SLC22A4: variants seen among roughly 807,000 people sequenced by gnomAD.
SLC22A4 encodes solute carrier family 22 member 4.
A neutral mutation model predicts 56.6 loss-of-function variants in SLC22A4; 39 were observed. The ratio of observed to expected loss-of-function variants is 0.69; its 90% confidence interval spans 0.53 to 0.90. The LOEUF (loss-of-function observed/expected upper bound fraction) is 0.90. SLC22A4 is among the 40% of genes least tolerant of loss of function. The pLI is 0.00. For missense variants in SLC22A4, 594 were observed against 696.5 expected (o/e 0.85, Z 1.66); for synonymous variants, 241 against 281.4 (o/e 0.86, Z 1.44).
intron 4 of SLC22A4, 25 bp downstream of exon 4, chr5:132,322,380 G>A (rs1168780560): frequency 6.8e-6 from 11 of 1,610,802 alleles, no homozygotes; most frequent in African/African-American, 6.7e-5. Flanking sequence ...TCCCCAGACA[G>A]GCCCTCTGCT....
chr5:132,336,997 G>A (rs1751042709), intron 8 of SLC22A4, among the ~76,000 whole-genome samples: 2 of 152,128 alleles, frequency 1.3e-5, no homozygotes. Context: ...AGGCTCCAAT[G>A]AATGGAGGAC....
intron 8 of SLC22A4, among the ~76,000 whole-genome samples, chr5:132,338,222 A>C (rs1454526291): frequency 6.6e-6 from 1 of 152,206 alleles, no homozygotes; most frequent in Non-Finnish European, 1.5e-5. Flanking sequence ...GGCAGGTTCC[A>C]TGATGCCCCC....
intron 1 of SLC22A4, among the ~76,000 whole-genome samples, chr5:132,310,134 G>T (rs947170813): frequency 6.6e-6 from 1 of 152,152 alleles, no homozygotes; most frequent in Non-Finnish European, 1.5e-5. Context: ...AGCTCATTTT[G>T]TCCTGCCTTA....
At chr5:132,317,906 A>AT (rs1750408664) in intron 3 of SLC22A4, among the ~76,000 whole-genome samples, 1 of 152,248 alleles carries the variant, frequency 6.6e-6, no homozygotes, top group Non-Finnish European at 1.5e-5. Flanking sequence ...TTGCTGGCAT[A>AT]CCTTATTTGC....
chr5:132,295,728 T>G (rs1749764695), intron 1 of SLC22A4: 1 of 177,330 alleles, frequency 5.6e-6, no homozygotes, highest in Non-Finnish European at 1.2e-5. Flanking sequence ...CCGCTTTTGC[T>G]GCTTCACATC....
intron 8 of SLC22A4, among the ~76,000 whole-genome samples, chr5:132,336,800 T>G (rs1210659221): frequency 6.6e-6 from 1 of 151,996 alleles, no homozygotes; most frequent in African/African-American, 2.4e-5. Context: ...TATGTGTGTG[T>G]GTACATAATG....
rs1158741899 is a variant in SLC22A4, at chr5:132,333,041, C to A, written c.1046+1191C>A. ...TACTAAATGGGAAAATCACTAAGAT[C>A]CCTTGAGCATACTTATTTGTTGTGT... On this transcript the variant is annotated intron_variant, in intron 6 of 9. Transcript: ENST00000200652. Among the ~76,000 whole-genome samples the A allele has an allele frequency of 7.9e-5, 12 of 152,218 alleles. No individual in the cohort carries two copies. The South Asian group carries it at 1.7e-3, about 21-fold the overall frequency.
intron 4 of SLC22A4, among the ~76,000 whole-genome samples, chr5:132,325,431 C>A (rs991659052): frequency 6.6e-6 from 1 of 152,172 alleles, no homozygotes; most frequent in Non-Finnish European, 1.5e-5. Flanking sequence ...CAGCACAGTT[C>A]TAATTACTGA....
Position 132,294,541 on chromosome 5 carries a change from G to A in SLC22A4, c.-76G>A. Reference sequence around the variant, plus strand: ...GAACGTTCTAACATCCTTGGGGAGCGCCCCAGCTACAAGACACTGTCCTGA... The same window carrying A: ...GAACGTTCTAACATCCTTGGGGAGCACCCCAGCTACAAGACACTGTCCTGA... On this transcript the variant is annotated 5_prime_UTR_variant, in exon 1 of 10. Transcript: ENST00000200652. The surrounding 1 kb of genome is among the most constrained non-coding windows in gnomAD (Gnocchi z 5.6). 1 of 1,602,584 alleles carries A rather than the reference G, an allele frequency of 6.2e-7. No homozygotes were observed.
chr5:132,308,755 C>T (rs1163478525), intron 1 of SLC22A4, among the ~76,000 whole-genome samples: 1 of 152,136 alleles, frequency 6.6e-6, no homozygotes, highest in Admixed American at 6.5e-5. Flanking sequence ...TGGTCTGGGA[C>T]CCTGCTGATG....
chr5:132,306,735 C>G (rs1028360714), intron 1 of SLC22A4, among the ~76,000 whole-genome samples: 1 of 151,860 alleles, frequency 6.6e-6, no homozygotes, highest in Admixed American at 6.6e-5. Context: ...TGTGACCCAC[C>G]GCACCCAGCC....
intron 3 of SLC22A4, among the ~76,000 whole-genome samples, chr5:132,318,854 G>A (rs1750439659): frequency 6.6e-6 from 1 of 152,136 alleles, no homozygotes; most frequent in Non-Finnish European, 1.5e-5. Flanking sequence ...GGCAGATAGA[G>A]CATAGGGGGC....
chr5:132,331,902 C>G (rs1192562596), intron 6 of SLC22A4, 52 bp downstream of exon 6: 1 of 1,145,684 alleles, frequency 8.7e-7, no homozygotes, highest in South Asian at 1.2e-5. Flanking sequence ...AAGTATGCAA[C>G]TGATTTTCTT....
At chr5:132,328,901 G>A (rs1386875795) in intron 5 of SLC22A4, among the ~76,000 whole-genome samples, 1 of 109,132 alleles carries the variant, frequency 9.2e-6, no homozygotes. Flanking sequence ...ATGTGTGTAT[G>A]TGTATATATA....
At chr5:132,332,232 T>G in intron 6 of SLC22A4, 1 of 300,866 alleles carries the variant, frequency 3.3e-6, no homozygotes, top group South Asian at 3.2e-5. Flanking sequence ...GAGAATCACT[T>G]GAACCCAGGA....
At chr5:132,315,305 G>A (rs746006602) in intron 3 of SLC22A4, among the ~76,000 whole-genome samples, 40 of 152,268 alleles carry the variant, frequency 2.6e-4, no homozygotes, top group African/African-American at 5.5e-4. Context: ...AGGAGGACCT[G>A]AAGGACCATC....
chr5:132,309,738 TC>T (rs1475447545), intron 1 of SLC22A4, among the ~76,000 whole-genome samples: 1 of 152,274 alleles, frequency 6.6e-6, no homozygotes, highest in Non-Finnish European at 1.5e-5. Flanking sequence ...ACCAAGGAGT[TC>T]TGCATTTTCA....
In SLC22A4 at chr5:132,333,212, T is replaced by C. The variant is rs114412486; in HGVS notation, c.1046+1362T>C. 4.0e-3 allele frequency among the ~76,000 whole-genome samples: 612 copies of C among 152,356 alleles called. 3 individuals are homozygous for C. The highest frequency in any genetic ancestry group is 0.012 in the African/African-American group (486 of 41,580). ...TTTCTACACAGGGGTGTCTGCATAG[T>C]GCAGTTGTAACAAAAACTCAGGTTC... On this transcript the variant is annotated intron_variant, in intron 6 of 9. Coordinates refer to ENST00000200652, the MANE Select transcript of SLC22A4 (RefSeq NM_003059.3).
At chr5:132,319,301 CA>C (rs55756450) in intron 3 of SLC22A4, among the ~76,000 whole-genome samples, 27,504 of 85,300 alleles carry the variant, frequency 0.32, 3,194 homozygotes, top group East Asian at 0.56. Context: ...AAGTCTGTCT[CA>C]AAAAAAAAAA....
Sources: allele counts gnomAD v4.1 joint callset (sites outside exome capture counted in the v4.1 genomes callset), GRCh38; gene constraint gnomAD v4.1.1; non-coding constraint Gnocchi (gnomAD v3.1); transcripts MANE v1.5; gene names NCBI Gene and HGNC (gene_info 2026-07-23, HGNC 2026-07-21).